The following HIVEP3 variants were observed in gnomAD, a reference collection of about 807,000 sequenced individuals.
The protein encoded by HIVEP3 is transcription factor HIVEP3.
A neutral mutation model predicts 152.8 loss-of-function variants in HIVEP3; 49 were observed. That is an observed-to-expected ratio of 0.32 (90% CI 0.26 to 0.41). HIVEP3 has a LOEUF of 0.41. Ranked by LOEUF, HIVEP3 falls within the 10% of genes least tolerant of loss-of-function variation. The probability of loss-of-function intolerance (pLI) is 1.00; values close to 1 mark genes in which losing one functional copy is unlikely to be tolerated. For missense variants in HIVEP3, 2,790 were observed against 3,103.3 expected, an observed-to-expected ratio of 0.90 and a Z score of 2.40; for synonymous variants, 1,269 against 1,289.0, an observed-to-expected ratio of 0.98 and a Z score of 0.33.
At chr1:41,751,555 C>G (rs1647163884) in intron 1 of HIVEP3, among the ~76,000 whole-genome samples, 1 of 152,020 alleles carries the variant, frequency 6.6e-6, no homozygotes, top group Admixed American at 6.6e-5. Context: ...ACGAAATGAG[C>G]AGGGTTGACA....
intron 2 of HIVEP3, among the ~76,000 whole-genome samples, chr1:41,684,706 T>C (rs1646089188): frequency 6.6e-6 from 1 of 152,252 alleles, no homozygotes; most frequent in Admixed American, 6.5e-5. Context: ...TGTAGGTTGC[T>C]TGCAGGATTA....
intron 5 of HIVEP3, among the ~76,000 whole-genome samples, chr1:41,544,820 TACCACCACCATCACC>T (rs1643653918): frequency 8.1e-5 from 2 of 24,570 alleles, no homozygotes; most frequent in African/African-American, 2.0e-4. Context: ...CTACCACCTC[TACCACCACCATCACC>T]ACCACCACTA....
chr1:41,790,475 T>G (rs564087019), intron 1 of HIVEP3, among the ~76,000 whole-genome samples: 1 of 152,326 alleles, frequency 6.6e-6, no homozygotes, highest in African/African-American at 2.4e-5. Context: ...TTTATAGCAA[T>G]ACAAACAGAT....
intron 1 of HIVEP3, among the ~76,000 whole-genome samples, chr1:42,019,896 T>G (rs917719565): frequency 6.6e-6 from 1 of 152,126 alleles, no homozygotes; most frequent in Non-Finnish European, 1.5e-5. Context: ...TTGCTTAGGC[T>G]TTTTAAAAAT....
chr1:41,620,792 C>A (rs1645036412), intron 3 of HIVEP3, among the ~76,000 whole-genome samples: 1 of 152,210 alleles, frequency 6.6e-6, no homozygotes, highest in Non-Finnish European at 1.5e-5. Flanking sequence ...CAGTCACTCA[C>A]CCTCCACTCC....
chr1:41,791,121 T>TACACACACACACACACAC (rs60729364), intron 1 of HIVEP3, among the ~76,000 whole-genome samples: 1 of 140,734 alleles, frequency 7.1e-6, no homozygotes, highest in Non-Finnish European at 1.6e-5. Context: ...CACACATGTG[T>TACACACACACACACACAC]ACACACACAC....
At chr1:41,604,891 C>T (rs1399893467) in intron 3 of HIVEP3, among the ~76,000 whole-genome samples, 1 of 151,782 alleles carries the variant, frequency 6.6e-6, no homozygotes, top group Admixed American at 6.6e-5. Flanking sequence ...ACTGCTTGAG[C>T]CCAGGAATTC....
At position 41,513,512 on chromosome 1, in the gene HIVEP3, T is replaced by G. The variant is rs900823035; in HGVS notation, c.5709A>C (p.Pro1903=). 61 of 1,604,720 alleles carry G rather than the reference T, an allele frequency of 3.8e-5. No homozygotes were observed. The highest frequency in any genetic ancestry group is 5.0e-5 in the Non-Finnish European group (59 of 1,176,068). Residue 1903 remains proline, a synonymous_variant, in exon 8 of 9, where the codon CCA becomes CCC. Transcript: ENST00000372583. ...CCTCCGTGCCAGAGGCGGGGGCATC[T>G]GGGGGCTGAGGGCCCAGGATGGGTG... is the stretch of plus-strand genomic sequence containing the variant. ...DSSPILGPQP[P]DAPASGTEAT...
chr1:41,724,906 C>T (rs1570403234), intron 1 of HIVEP3, among the ~76,000 whole-genome samples: 1 of 152,234 alleles, frequency 6.6e-6, no homozygotes. Context: ...TCCGGTTGTG[C>T]TCTCACACCA....
intron 1 of HIVEP3, among the ~76,000 whole-genome samples, chr1:41,733,686 T>C (rs777826649): frequency 9.9e-5 from 15 of 152,194 alleles, no homozygotes; most frequent in Non-Finnish European, 1.9e-4. Flanking sequence ...GGGAATTGGT[T>C]CTGCAAAAGA....
chr1:41,902,183 T>A (rs1427332880), intron 1 of HIVEP3, among the ~76,000 whole-genome samples: 1 of 152,132 alleles, frequency 6.6e-6, no homozygotes, highest in Middle Eastern at 3.2e-3. Flanking sequence ...CTAAAAGGAA[T>A]GCTTAAAAGG....
At chr1:41,661,432 A>G (rs1340268828) in intron 2 of HIVEP3, among the ~76,000 whole-genome samples, 1 of 152,162 alleles carries the variant, frequency 6.6e-6, no homozygotes, top group Non-Finnish European at 1.5e-5. Context: ...ATGCCCCTGG[A>G]GTAGAAGCCG....
intron 2 of HIVEP3, among the ~76,000 whole-genome samples, chr1:41,696,042 A>G (rs1396538904): frequency 2.0e-5 from 3 of 152,208 alleles, no homozygotes; most frequent in Admixed American, 6.5e-5. Context: ...TCAGACAGGA[A>G]TACTGCCACC....
intron 1 of HIVEP3, among the ~76,000 whole-genome samples, chr1:41,989,086 T>C (rs1040384921): frequency 2.6e-5 from 4 of 152,144 alleles, no homozygotes; most frequent in African/African-American, 9.7e-5. Flanking sequence ...GGAGAGATGC[T>C]GGTGAAAAGA....
rs1165102082 is a variant in HIVEP3 at position 41,583,233 on chromosome 1, A to T, written c.1565T>A (p.Leu522Gln). 1.2e-6 allele frequency: 2 copies of T among 1,612,578 alleles called. No homozygotes were observed. Among genetic ancestry groups the T allele is most frequent in the Non-Finnish European group, 1.7e-6 (2 of 1,179,396 alleles). ...HSEKTKPEQS[L>Q]LSLQHPPSTA... Reference sequence around the variant, plus strand: ...ACTGGGCGGGTGCTGGAGGCTCAGCAGTGATTGTTCAGGCTTGGTTTTCTC... The same window carrying T: ...ACTGGGCGGGTGCTGGAGGCTCAGCTGTGATTGTTCAGGCTTGGTTTTCTC... The change falls in exon 4 of 9, where the codon CTG becomes CAG. Residue 522 changes from leucine (L) to glutamine (Q), a missense_variant. Around this residue, in one of 9 missense-constraint regions of HIVEP3, gnomAD observed 134 missense variants for 242.5 expected, o/e 0.55. Coordinates refer to ENST00000372583, the MANE Select transcript of HIVEP3 (RefSeq NM_024503.5). The surrounding 1 kb of genome is among the most constrained non-coding windows in gnomAD (Gnocchi z 6.9).
chr1:41,666,407 C>T (rs1044110874), intron 2 of HIVEP3, among the ~76,000 whole-genome samples: 1 of 152,200 alleles, frequency 6.6e-6, no homozygotes, highest in Admixed American at 6.5e-5. Context: ...TCCAGCCCCA[C>T]ATTTACTGTG....
chr1:41,534,842 C>T lies in HIVEP3; in HGVS notation c.5208-9932G>A, dbSNP rs952218107. Among the ~76,000 whole-genome samples, 18 of 152,312 alleles carry T rather than the reference C, an allele frequency of 1.2e-4. No homozygotes were observed. In the East Asian group the frequency reaches 2.9e-3, roughly 25 times the overall value. On this transcript the variant is annotated intron_variant, in intron 5 of 8. Transcript: ENST00000372583. Reference sequence around the variant, plus strand: ...GCCTCAGAACCTTGATGGGCGCATACGCTGCCCACCTTCTGAGAGGAGTGA... The same window carrying T: ...GCCTCAGAACCTTGATGGGCGCATATGCTGCCCACCTTCTGAGAGGAGTGA...
In HIVEP3 at chr1:41,662,500, G is replaced by A. The variant is rs71518458; in HGVS notation, c.-720-33553C>T. ...AGCACGGGGACCCCGCCGCCGGCCCGGGGCGCCTCTCCCGTCCGCTCGGCC... is the reference window on the plus strand; with the variant it reads ...AGCACGGGGACCCCGCCGCCGGCCCAGGGCGCCTCTCCCGTCCGCTCGGCC... On this transcript the variant is annotated intron_variant, in intron 2 of 8. Transcript: ENST00000372583. This position sits in a 1 kb window ranked among gnomAD's most constrained non-coding sequence, Gnocchi z 7.2. 0.13 allele frequency among the ~76,000 whole-genome samples: 19,071 copies of A among 150,096 alleles called. 1,804 individuals are homozygous for A. The highest frequency in any genetic ancestry group is 0.47 in the East Asian group (2,361 of 5,030).
chr1:41,626,786 G>A (rs887648304), intron 3 of HIVEP3, among the ~76,000 whole-genome samples: 2 of 152,162 alleles, frequency 1.3e-5, no homozygotes, highest in Admixed American at 6.5e-5. Context: ...CAGCATGATC[G>A]ATTCCTATGA....
Sources: gnomAD v4.1 joint callset for allele counts (sites outside exome capture counted in the v4.1 genomes callset) on GRCh38, gnomAD v4.1.1 for gene constraint, gnomAD v4.1.1 regional missense constraint, Gnocchi (gnomAD v3.1) non-coding constraint, MANE v1.5 for transcripts, NCBI Gene and HGNC (gene_info 2026-07-23, HGNC 2026-07-21) for gene names.